PRTFDC1: variants seen among roughly 807,000 people sequenced by gnomAD.
PRTFDC1 encodes phosphoribosyl transferase domain containing 1, also known as phosphoribosyltransferase domain-containing protein 1.
In PRTFDC1, 38 loss-of-function variants were observed where a neutral mutation model predicts 34.6. The observed-to-expected ratio is 1.10, with a 90% CI of 0.85 to 1.44. PRTFDC1 has a LOEUF of 1.44. PRTFDC1 is among the 40% of genes most tolerant of loss of function. The pLI is 0.00. For missense variants in PRTFDC1, 270 were observed against 283.0 expected (o/e 0.95, Z 0.33); for synonymous variants, 93 against 98.1 (o/e 0.95, Z 0.31).
At chr10:24,927,747 A>C (rs1236705852) in intron 3 of PRTFDC1, among the ~76,000 whole-genome samples, 1 of 151,792 alleles carries the variant, frequency 6.6e-6, no homozygotes, top group African/African-American at 2.4e-5. Flanking sequence ...ACGTCCAGCT[A>C]ATTTTTGTGC....
intron 3 of PRTFDC1, 115 bp from the exon 4 acceptor site, chr10:24,872,178 A>G: frequency 1.2e-6 from 1 of 834,580 alleles, no homozygotes; most frequent in Middle Eastern, 2.4e-4. Context: ...ATATAGCACA[A>G]ATAGCTAATA....
chr10:24,896,414 G>T (rs1848365127), intron 3 of PRTFDC1, among the ~76,000 whole-genome samples: 1 of 152,134 alleles, frequency 6.6e-6, no homozygotes, highest in African/African-American at 2.4e-5. Flanking sequence ...CCACAAAACT[G>T]GTCCCCGGTG....
chr10:24,882,703 A>G (rs532473713), intron 3 of PRTFDC1, among the ~76,000 whole-genome samples: 2 of 151,928 alleles, frequency 1.3e-5, no homozygotes, highest in Admixed American at 1.3e-4. Flanking sequence ...ATGGGGTCTC[A>G]TTATGTTTTC....
chr10:24,900,948 G>A (rs1353753923), intron 3 of PRTFDC1, among the ~76,000 whole-genome samples: 4 of 152,186 alleles, frequency 2.6e-5, no homozygotes, highest in Non-Finnish European at 5.9e-5. Flanking sequence ...GCTAACAGGT[G>A]TTTGCAATTA....
At chr10:24,936,094 G>A (rs775519551) in intron 3 of PRTFDC1, among the ~76,000 whole-genome samples, 6 of 152,136 alleles carry the variant, frequency 3.9e-5, no homozygotes, top group Non-Finnish European at 8.8e-5. Flanking sequence ...GCAATAGAAG[G>A]CCAATTCAAA....
intron 3 of PRTFDC1, among the ~76,000 whole-genome samples, chr10:24,903,194 G>A (rs10764509): frequency 0.33 from 50,891 of 152,012 alleles, 9,109 homozygotes; most frequent in Non-Finnish European, 0.41. Context: ...TGACAGGAGT[G>A]AAACTGCATC....
chr10:24,863,415 A>T (rs77066626), intron 4 of PRTFDC1, among the ~76,000 whole-genome samples: 2,035 of 152,264 alleles, frequency 0.013, 16 homozygotes, highest in Middle Eastern at 0.034. Flanking sequence ...TGCGCAGAAA[A>T]CAAGATTCCT....
At position 24,878,993 on chromosome 10, in the gene PRTFDC1, C is replaced by CT. The variant is rs753743169; in HGVS notation, c.340-6931dup. 2.6e-5 allele frequency among the ~76,000 whole-genome samples: 4 copies of CT among 152,278 alleles called. 1 individual carries two copies. The highest frequency in any genetic ancestry group is 6.5e-5 in the Admixed American group (1 of 15,282). ...TGTTCTCAAAGAGGTCGCTGATACT[C>CT]TATCAAATGGACAGAGATGCAAAAC... On this transcript the variant is annotated intron_variant, in intron 3 of 8. Coordinates refer to ENST00000320152, the MANE Select transcript of PRTFDC1 (RefSeq NM_020200.7).
intron 3 of PRTFDC1, among the ~76,000 whole-genome samples, chr10:24,922,526 G>C (rs900611269): frequency 3.3e-5 from 5 of 152,156 alleles, no homozygotes; most frequent in African/African-American, 1.2e-4. Context: ...GAGATCTGAT[G>C]GTTTTATAAA....
rs1847430417 is a variant in PRTFDC1 at position 24,848,696 on chromosome 10, C to A, written c.*1148G>T. 6.6e-6 allele frequency: 1 copy of A among 152,012 alleles called. No individual in the cohort carries two copies. The highest frequency in any genetic ancestry group is 2.4e-5 in the African/African-American group (1 of 41,384). 9.4% of individuals were successfully genotyped at this position (152,012 alleles called of 1,614,324 possible). ...ACAATACGCCACATACGGTTCAGAA[C>A]CAAACAAAAGCTGCTTAGTTATTTA... On this transcript the variant is annotated 3_prime_UTR_variant, in exon 9 of 9. Transcript: ENST00000320152.
chr10:24,866,244 C>T (rs1348668827), intron 4 of PRTFDC1, among the ~76,000 whole-genome samples: 1 of 151,590 alleles, frequency 6.6e-6, no homozygotes, highest in African/African-American at 2.4e-5. Context: ...TCCTCTAATC[C>T]CAGCCACTCA....
At chr10:24,947,711 C>T (rs1849273176) in intron 1 of PRTFDC1, among the ~76,000 whole-genome samples, 1 of 152,000 alleles carries the variant, frequency 6.6e-6, no homozygotes. Flanking sequence ...ATCTCTGCTC[C>T]TCTCCCCTGC....
At chr10:24,908,847 C>T in intron 3 of PRTFDC1, 3 of 1,175,486 alleles carry the variant, frequency 2.6e-6, no homozygotes, top group Admixed American at 2.9e-5. Context: ...TTCCAGCCAC[C>T]TCAAGAAAAC....
At chr10:24,904,391 A>G (rs887371249) in intron 3 of PRTFDC1, among the ~76,000 whole-genome samples, 1 of 152,122 alleles carries the variant, frequency 6.6e-6, no homozygotes, top group African/African-American at 2.4e-5. Context: ...ATTAATGTAT[A>G]TCTTTATTGA....
Position 24,952,554 on chromosome 10 carries a change from C to A in PRTFDC1, c.22G>T (p.Ala8Ser). 1 of 1,592,252 alleles carries A rather than the reference C, an allele frequency of 6.3e-7. No individual in the cohort carries two copies. The highest frequency in any genetic ancestry group is 1.3e-5 in the African/African-American group (1 of 74,776). Residue 8 changes from alanine to serine, a missense_variant, in exon 1 of 9, where the codon GCG becomes TCG. Ala to Ser is a moderately conservative substitution (Grantham distance 99). Transcript: ENST00000320152. This position sits in a 1 kb window ranked among gnomAD's most constrained non-coding sequence, Gnocchi z 5.1. ...ACGACGCCTCGCCCGTAGTCTGGCG[C>A]CTCCTCGCTGCTCCCGGCCATGTTT... The part of the protein sequence containing the change: MAGSSEE[A>S]PDYGRGVVIM...
intron 3 of PRTFDC1, among the ~76,000 whole-genome samples, chr10:24,928,501 T>G (rs1353727416): frequency 1.3e-5 from 2 of 152,054 alleles, no homozygotes; most frequent in African/African-American, 4.8e-5. Flanking sequence ...CGGAGTGCAG[T>G]GGCACAATCT....
At chr10:24,872,788 G>GTATATATATATATATATATA (rs1555045487) in intron 3 of PRTFDC1, among the ~76,000 whole-genome samples, 2 of 83,212 alleles carry the variant, frequency 2.4e-5, no homozygotes, top group African/African-American at 9.7e-5. Flanking sequence ...GTGTGTGTGT[G>GTATATATATATATATATATA]TATATATATA....
intron 3 of PRTFDC1, chr10:24,908,774 T>A: frequency 3.5e-6 from 5 of 1,445,116 alleles, no homozygotes; most frequent in Non-Finnish European, 4.6e-6. Context: ...TAGCGATCAA[T>A]GGGGTGACTG....
At chr10:24,946,215 G>A (rs867737969) in intron 1 of PRTFDC1, among the ~76,000 whole-genome samples, 9 of 152,080 alleles carry the variant, frequency 5.9e-5, no homozygotes, top group Non-Finnish European at 1.3e-4. Flanking sequence ...CAAGAGTTTG[G>A]CTCTGACACT....
Sources: gnomAD v4.1 joint callset for allele counts (sites outside exome capture counted in the v4.1 genomes callset) on GRCh38, gnomAD v4.1.1 for gene constraint, Gnocchi (gnomAD v3.1) non-coding constraint, MANE v1.5 for transcripts, NCBI Gene and HGNC (gene_info 2026-07-23, HGNC 2026-07-21) for gene names.